Variants in RPTOR observed in about 807,000 individuals in gnomAD.
RPTOR encodes the protein regulatory associated protein of MTOR complex 1, also known as regulatory-associated protein of mTOR.
In RPTOR, 21 loss-of-function variants were observed where a neutral mutation model predicts 169.9. The ratio of observed to expected loss-of-function variants is 0.12; its 90% CI spans 0.09 to 0.18. The LOEUF is 0.18. Among genes scored for constraint, RPTOR ranks in the 10% least tolerant of loss-of-function variants. The probability of loss-of-function intolerance (pLI) is 1.00; values close to 1 mark genes in which losing one functional copy is unlikely to be tolerated. For missense variants in RPTOR, 1,133 were observed against 1,855.9 expected (o/e 0.61, Z 7.16); for synonymous variants, 732 against 753.2 (o/e 0.97, Z 0.46).
At chr17:80,930,320 G>GCTCATC (rs2068869470) in intron 24 of RPTOR, among the ~76,000 whole-genome samples, 2 of 29,416 alleles carry the variant, frequency 6.8e-5, no homozygotes, top group Non-Finnish European at 1.5e-4. Context: ...CCCCAGCTCA[G>GCTCATC]CTCAGCTCAT....
chr17:80,681,015 A>G (rs549830896), intron 3 of RPTOR, among the ~76,000 whole-genome samples: 2 of 152,108 alleles, frequency 1.3e-5, no homozygotes, highest in Non-Finnish European at 2.9e-5. Context: ...CTCATTGTCA[A>G]TACAGGGGAG....
chr17:80,910,559 C>T (rs898489554), intron 21 of RPTOR, among the ~76,000 whole-genome samples: 1 of 152,130 alleles, frequency 6.6e-6, no homozygotes, highest in South Asian at 2.1e-4. Context: ...GGCGTTGCCT[C>T]GGGTATCACT....
intron 7 of RPTOR, 144 bp from the exon 8 acceptor site, chr17:80,822,057 T>A: frequency 1.4e-6 from 1 of 720,348 alleles, no homozygotes; most frequent in Admixed American, 1.9e-5. Context: ...TGATTCTCCC[T>A]GCCGTGCGCC....
In RPTOR at chr17:80,695,387, T is replaced by G. The variant is rs1598230199; in HGVS notation, c.349-12454T>G. On this transcript the variant is annotated intron_variant, in intron 3 of 33. Coordinates refer to ENST00000306801, the MANE Select transcript of RPTOR (RefSeq NM_020761.3). This position sits in a 1 kb window ranked among gnomAD's most constrained non-coding sequence, Gnocchi z 4.9. ...GTTGCCAGGTCGAATGGCTGGTGAATCATTGATTTGGGGCTGAGACTTAAG... is the reference window on the plus strand; with the variant it reads ...GTTGCCAGGTCGAATGGCTGGTGAAGCATTGATTTGGGGCTGAGACTTAAG... Among the ~76,000 whole-genome samples the G allele has an allele frequency of 6.6e-6, 1 of 152,178 alleles. No homozygotes were observed. Among genetic ancestry groups the G allele is most frequent in the African/African-American group, 2.4e-5 (1 of 41,434 alleles).
At position 80,807,961 on chromosome 17, in the gene RPTOR, T is replaced by G. The variant is rs565907073; in HGVS notation, c.891-14240T>G. 2.6e-5 allele frequency among the ~76,000 whole-genome samples: 4 copies of G among 152,274 alleles called. No homozygotes were observed. In the South Asian group the frequency reaches 8.3e-4, roughly 32 times the overall value. On this transcript the variant is annotated intron_variant, in intron 7 of 33. Transcript: ENST00000306801. ...TGGATGTGGTCCTTGGGCCATAGTT[T>G]TGGTGACCTGCTTTAGAAACTATAA... is the stretch of plus-strand genomic sequence containing the variant.
intron 3 of RPTOR, among the ~76,000 whole-genome samples, chr17:80,688,777 T>A (rs2065968096): frequency 6.6e-6 from 1 of 152,230 alleles, no homozygotes; most frequent in East Asian, 1.9e-4. Context: ...ACTAGATGTA[T>A]CTCTAGGGCA....
In RPTOR at chr17:80,665,445, T is replaced by TG. The variant is rs2065764411; in HGVS notation, c.348+21635_348+21636insG. 1.8e-4 allele frequency among the ~76,000 whole-genome samples: 4 copies of TG among 21,632 alleles called. 1 individual carries two copies. Among genetic ancestry groups the TG allele is most frequent in the Admixed American group, 1.2e-3 (3 of 2,594 alleles). The allele number at this position is 21,632 out of a possible 152,430, so 14.2% of individuals were successfully genotyped here. A position where few individuals can be genotyped will look rare whatever the true frequency, so the allele number is the denominator to read the frequency against. On this transcript the variant is annotated intron_variant, in intron 3 of 33. Transcript: ENST00000306801. ...TTCCTTTCCTTTCCTTTCCTTTCCTTTCCTTTCCTTTCCTTTCCTTTCCTT... is the reference window on the plus strand; with the variant it reads ...TTCCTTTCCTTTCCTTTCCTTTCCTTGTCCTTTCCTTTCCTTTCCTTTCCTT...
chr17:80,952,845 T>C (rs1374038595), intron 28 of RPTOR, among the ~76,000 whole-genome samples: 1 of 141,168 alleles, frequency 7.1e-6, no homozygotes, highest in Admixed American at 7.7e-5. Context: ...CCTTCTCTTT[T>C]TCTTTTCTTC....
intron 12 of RPTOR, among the ~76,000 whole-genome samples, chr17:80,857,353 T>C (rs2067864076): frequency 6.6e-6 from 1 of 151,852 alleles, no homozygotes; most frequent in Non-Finnish European, 1.5e-5. Flanking sequence ...CACGGAGAGG[T>C]GGCCGTGGTG....
rs368863409 is a variant in RPTOR at position 80,901,210 on chromosome 17, G to A, written c.2401+7345G>A. 3.1e-4 allele frequency among the ~76,000 whole-genome samples: 47 copies of A among 151,326 alleles called. 4 individuals carry two copies. Among genetic ancestry groups the A allele is most frequent in the African/African-American group, 1.1e-3 (45 of 41,134 alleles). ...TCGGTGGAGTACAGGGCGAAGAATC[G>A]CAGTTTCATTTGAGGGCCACCCAGA... is the stretch of plus-strand genomic sequence containing the variant. On this transcript the variant is annotated intron_variant, in intron 20 of 33. Coordinates refer to ENST00000306801, the MANE Select transcript of RPTOR (RefSeq NM_020761.3).
chr17:80,889,667 C>A (rs112729882), intron 17 of RPTOR, among the ~76,000 whole-genome samples: 3 of 152,300 alleles, frequency 2.0e-5, no homozygotes, highest in East Asian at 3.9e-4. Context: ...AAGGCCAGTG[C>A]GTGTGTGTGT....
rs146638925 is a variant in RPTOR, at chr17:80,844,351, G to T, written c.1213-2122G>T. Among the ~76,000 whole-genome samples the T allele has an allele frequency of 2.3e-3, 356 of 152,272 alleles. No homozygotes were observed. In the Middle Eastern group the frequency reaches 0.024, roughly 10 times the overall value. On this transcript the variant is annotated intron_variant, in intron 10 of 33. Coordinates refer to ENST00000306801, the MANE Select transcript of RPTOR (RefSeq NM_020761.3). The surrounding 1 kb of genome is among the most constrained non-coding windows in gnomAD (Gnocchi z 4.7). ...CTTTCTGCATGGAGTAGTGACTCCA[G>T]CAGTGAGGAACATGTGAAAATCCAT...
At chr17:80,734,325 C>T (rs866731964) in intron 5 of RPTOR, among the ~76,000 whole-genome samples, 4 of 152,168 alleles carry the variant, frequency 2.6e-5, no homozygotes, top group South Asian at 2.1e-4. Flanking sequence ...GCCTGCTCCC[C>T]GGCGTCAGCT....
chr17:80,698,413 G>A (rs762225693), intron 3 of RPTOR, among the ~76,000 whole-genome samples: 64 of 151,842 alleles, frequency 4.2e-4, no homozygotes, highest in Non-Finnish European at 5.4e-4. Flanking sequence ...CCAGCTCCTC[G>A]TTTGCAGAGG....
chr17:80,563,881 G>C (rs1031539798), intron 1 of RPTOR, among the ~76,000 whole-genome samples: 3 of 152,120 alleles, frequency 2.0e-5, no homozygotes, highest in Non-Finnish European at 4.4e-5. Flanking sequence ...AGGGTTGTGT[G>C]ACCTTACTTT....
rs957407398 is a variant in RPTOR, at chr17:80,609,179, C to T, written c.163-16512C>T. Among the ~76,000 whole-genome samples the T allele has an allele frequency of 1.3e-4, 20 of 152,152 alleles. No homozygotes were observed. The highest frequency in any genetic ancestry group is 2.1e-4 in the Non-Finnish European group (14 of 68,026). On this transcript the variant is annotated intron_variant, in intron 1 of 33. Transcript: ENST00000306801. This position sits in a 1 kb window ranked among gnomAD's most constrained non-coding sequence, Gnocchi z 4.8. ...TGCAGGGGGCGGGGAGCACATGCGG[C>T]GTGCAGACCTTTCCTTAGGTTTGTG...
chr17:80,841,498 CCACA>C (rs2067657171), intron 10 of RPTOR, among the ~76,000 whole-genome samples: 2 of 120,140 alleles, frequency 1.7e-5, no homozygotes, highest in Admixed American at 8.1e-5. Flanking sequence ...CTCACTCTCA[CCACA>C]CGGCAGCTCA....
At chr17:80,681,532 C>T (rs2065897834) in intron 3 of RPTOR, among the ~76,000 whole-genome samples, 1 of 151,850 alleles carries the variant, frequency 6.6e-6, no homozygotes, top group Non-Finnish European at 1.5e-5. Flanking sequence ...GTATCGAGGA[C>T]CAATTCTGTG....
chr17:80,648,785 T>C (rs2065616174), intron 3 of RPTOR, among the ~76,000 whole-genome samples: 1 of 152,064 alleles, frequency 6.6e-6, no homozygotes, highest in Non-Finnish European at 1.5e-5. Context: ...CATCTTGAAT[T>C]GTCACTCCCA....
Sources: allele counts gnomAD v4.1 joint callset (sites outside exome capture counted in the v4.1 genomes callset), GRCh38; gene constraint gnomAD v4.1.1; non-coding constraint Gnocchi (gnomAD v3.1); transcripts MANE v1.5; gene names NCBI Gene and HGNC (gene_info 2026-07-23, HGNC 2026-07-21).